The following CLASP2 variants were observed in gnomAD, a reference collection of about 807,000 sequenced individuals.
CLASP2 encodes cytoplasmic linker associated protein 2, also known as CLIP-associating protein 2.
CLASP2 carries 47 observed loss-of-function variants against 194.4 expected under a neutral mutation model. The observed-to-expected ratio is 0.24, with a 90% confidence interval of 0.19 to 0.31. CLASP2 has a LOEUF of 0.31. Among genes scored for constraint, CLASP2 ranks in the 10% least tolerant of loss-of-function variants. The pLI is 1.00. For synonymous variants in CLASP2, 619 were observed against 633.5 expected (o/e 0.98, Z 0.34); for missense variants, 1,445 against 1,823.6 (o/e 0.79, Z 3.78).
At chr3:33,636,075 C>T (rs750019284) in intron 8 of CLASP2, among the ~76,000 whole-genome samples, 1 of 151,958 alleles carries the variant, frequency 6.6e-6, no homozygotes, top group Non-Finnish European at 1.5e-5. Flanking sequence ...AAGTAAATAG[C>T]AATTAGAAGT....
At chr3:33,615,376 C>CA (rs78845283) in intron 12 of CLASP2, among the ~76,000 whole-genome samples, 4,858 of 60,640 alleles carry the variant, frequency 0.08, 113 homozygotes, top group African/African-American at 0.13. Context: ...TTCTAAATTA[C>CA]AAAAAAAAAA....
At chr3:33,623,022 T>C (rs1183680210) in intron 10 of CLASP2, among the ~76,000 whole-genome samples, 4 of 152,184 alleles carry the variant, frequency 2.6e-5, no homozygotes, top group African/African-American at 9.7e-5. Flanking sequence ...TTGGCCAGGC[T>C]GATCTCAAAC....
chr3:33,684,288 C>T, intron 6 of CLASP2, 71 bp downstream of exon 6: 2 of 798,724 alleles, frequency 2.5e-6, no homozygotes, highest in East Asian at 2.8e-5. Context: ...CATTGAAATA[C>T]ACAAATAAAA....
intron 2 of CLASP2, among the ~76,000 whole-genome samples, chr3:33,694,634 G>A (rs13065450): frequency 0.19 from 28,704 of 152,056 alleles, 3,065 homozygotes; most frequent in Admixed American, 0.32. Context: ...GAGGTTTTAC[G>A]AATTGGAAAG....
intron 34 of CLASP2, among the ~76,000 whole-genome samples, chr3:33,520,138 C>A (rs1471277651): frequency 1.3e-5 from 2 of 152,156 alleles, no homozygotes; most frequent in Non-Finnish European, 2.9e-5. Context: ...CTCAGCCTCC[C>A]AAGTAGCTGG....
At chr3:33,499,493 G>A (rs978323848) in intron 38 of CLASP2, among the ~76,000 whole-genome samples, 11 of 151,866 alleles carry the variant, frequency 7.2e-5, no homozygotes, top group African/African-American at 2.4e-4. Context: ...GGGACTACAG[G>A]CGCCTGTCAC....
At chr3:33,602,300 CA>C in intron 18 of CLASP2, 1 of 501,032 alleles carries the variant, frequency 2.0e-6, no homozygotes, top group Admixed American at 3.4e-5. Flanking sequence ...TGTTGGTGCT[CA>C]AAAAGTTTCA....
chr3:33,704,439 G>C (rs1052874286), intron 1 of CLASP2, among the ~76,000 whole-genome samples: 10 of 152,006 alleles, frequency 6.6e-5, no homozygotes, highest in Non-Finnish European at 1.5e-4. Context: ...AACTTGAATA[G>C]GCATTTCTCC....
At chr3:33,712,566 G>T (rs761013191) in intron 1 of CLASP2, among the ~76,000 whole-genome samples, 1 of 152,132 alleles carries the variant, frequency 6.6e-6, no homozygotes, top group Non-Finnish European at 1.5e-5. Flanking sequence ...TAAGCTTAAT[G>T]AAACAGATGT....
intron 37 of CLASP2, 114 bp from the exon 38 acceptor site, chr3:33,501,882 G>T (rs536915352): frequency 1.5e-6 from 1 of 684,890 alleles, no homozygotes; most frequent in South Asian, 1.7e-5. Context: ...ACTAAGGAGA[G>T]AAAAGTGCAG....
chr3:33,712,498 G>A (rs2093061389), intron 1 of CLASP2, among the ~76,000 whole-genome samples: 1 of 151,948 alleles, frequency 6.6e-6, no homozygotes, highest in African/African-American at 2.4e-5. Flanking sequence ...CAAAACCACT[G>A]AAATTATAAT....
intron 32 of CLASP2, 114 bp downstream of exon 32, chr3:33,543,318 AG>A: frequency 1.5e-6 from 1 of 662,966 alleles, no homozygotes; most frequent in Non-Finnish European, 2.7e-6. Flanking sequence ...GGTTGCAGTG[AG>A]TTGAGATCAC....
chr3:33,651,248 T>C (rs907022413), intron 7 of CLASP2, among the ~76,000 whole-genome samples: 1 of 151,998 alleles, frequency 6.6e-6, no homozygotes, highest in African/African-American at 2.4e-5. Flanking sequence ...CCAGGCATGG[T>C]GGCGCATGCC....
chr3:33,549,304 T>C, intron 30 of CLASP2, among the ~76,000 whole-genome samples: 1 of 152,204 alleles, frequency 6.6e-6, no homozygotes, highest in Non-Finnish European at 1.5e-5. Flanking sequence ...CAGTGTCTTA[T>C]GGTGGTGAAT....
At chr3:33,556,475 A>G (rs1277481197) in intron 29 of CLASP2, among the ~76,000 whole-genome samples, 1 of 149,586 alleles carries the variant, frequency 6.7e-6, no homozygotes, top group Non-Finnish European at 1.5e-5. Context: ...TCACTCTGTC[A>G]TCCAGGCTAG....
At chr3:33,675,902 A>T (rs1225192751) in intron 6 of CLASP2, among the ~76,000 whole-genome samples, 1 of 150,640 alleles carries the variant, frequency 6.6e-6, no homozygotes, top group African/African-American at 2.4e-5. Flanking sequence ...CTTCAAGGAG[A>T]ACTACAAACC....
chr3:33,623,535 C>T (rs1305310357), intron 10 of CLASP2, among the ~76,000 whole-genome samples: 1 of 151,744 alleles, frequency 6.6e-6, no homozygotes, highest in Admixed American at 6.6e-5. Context: ...TCTTTTTCTT[C>T]CTGTGACTGG....
chr3:33,639,656 T>C (rs113700547), intron 8 of CLASP2, among the ~76,000 whole-genome samples: 1 of 152,150 alleles, frequency 6.6e-6, no homozygotes, highest in African/African-American at 2.4e-5. Flanking sequence ...TAAAATAATT[T>C]ATATGTTATT....
At chr3:33,599,370 G>A (rs114658185) in intron 18 of CLASP2, among the ~76,000 whole-genome samples, 2,105 of 152,104 alleles carry the variant, frequency 0.014, 51 homozygotes, top group African/African-American at 0.048. Context: ...CAATTCACCC[G>A]CCTCAACCTC....
Sources: allele counts gnomAD v4.1 joint callset (sites outside exome capture counted in the v4.1 genomes callset), GRCh38; gene constraint gnomAD v4.1.1; transcripts MANE v1.5; gene names NCBI Gene and HGNC (gene_info 2026-07-23, HGNC 2026-07-21).